Variants in PCDHGA10 observed in about 807,000 individuals in gnomAD.
PCDHGA10 encodes protocadherin gamma subfamily A, 10.
In PCDHGA10, 42 loss-of-function variants were observed where a neutral mutation model predicts 59.5. The observed-to-expected ratio is 0.71, with a 90% CI of 0.55 to 0.91. The LOEUF (loss-of-function observed/expected upper bound fraction) is 0.91, where lower values mean the gene tolerates loss of function less well. PCDHGA10 is among the 40% of genes least tolerant of loss of function. The pLI, the probability that PCDHGA10 is intolerant of heterozygous loss-of-function variation, is 0.00. For missense variants in PCDHGA10, 1,111 were observed against 1,198.2 expected (o/e 0.93, Z 1.07); for synonymous variants, 511 against 517.2 (o/e 0.99, Z 0.16).
At position 141,450,051 on chromosome 5, in the gene PCDHGA10, G is replaced by C. The variant is rs576363410; in HGVS notation, c.2436+34440G>C. ...AGACAGGGTCTCACTCTTTCGCCCA[G>C]GCTGGAATGCAGTGGTATGATCTTG... On this transcript the variant is annotated intron_variant, in intron 1 of 3. Coordinates refer to ENST00000398610, the MANE Select transcript of PCDHGA10 (RefSeq NM_018913.3). Among the ~76,000 whole-genome samples, 362 of 139,654 alleles carry C rather than the reference G, an allele frequency of 2.6e-3. 1 individual carries two copies. Among genetic ancestry groups the C allele is most frequent in the South Asian group, 5.5e-3 (25 of 4,506 alleles). 91.6% of individuals were successfully genotyped at this position (139,654 alleles called of 152,430 possible). A position where few individuals can be genotyped will look rare whatever the true frequency, so the allele number is the denominator to read the frequency against.
chr5:141,454,503 T>A (rs988138847), intron 1 of PCDHGA10, among the ~76,000 whole-genome samples: 1 of 152,308 alleles, frequency 6.6e-6, no homozygotes, highest in Non-Finnish European at 1.5e-5. Flanking sequence ...ACCTCCTGGA[T>A]TCAGGCAGTT....
chr5:141,430,577 C>A, intron 1 of PCDHGA10: 1 of 464,652 alleles, frequency 2.2e-6, no homozygotes. Context: ...AAGCGGAGAT[C>A]CTGCTCGCCT....
In PCDHGA10 at chr5:141,491,696, G is replaced by A; in HGVS notation, c.2437-3111G>A. The A allele has an allele frequency of 6.2e-7, 1 of 1,612,390 alleles. No individual in the cohort carries two copies. The highest frequency in any genetic ancestry group is 8.5e-7 in the Non-Finnish European group (1 of 1,179,286). ...CGCTCTAATACGCTGCGGGAGCGGA[G>A]CCAGGTGAGGGGCTCGGCGCCGCCC... On this transcript the variant is annotated intron_variant, in intron 1 of 3. Coordinates refer to ENST00000398610, the MANE Select transcript of PCDHGA10 (RefSeq NM_018913.3). This position sits in a 1 kb window ranked among gnomAD's most constrained non-coding sequence, Gnocchi z 6.9.
chr5:141,421,357 T>A lies in PCDHGA10; in HGVS notation c.2436+5746T>A, dbSNP rs761522510. ...GGTGCCAGAAGAGACCGAAAAGGGC[T>A]CCTTCGTGGGCAATATCTCCAAGGA... On this transcript the variant is annotated intron_variant, in intron 1 of 3. Coordinates refer to ENST00000398610, the MANE Select transcript of PCDHGA10 (RefSeq NM_018913.3). 4.3e-6 allele frequency: 7 copies of A among 1,613,976 alleles called. 1 individual carries two copies. The South Asian group carries it at 7.7e-5, about 18-fold the overall frequency.
chr5:141,464,517 G>A lies in PCDHGA10; in HGVS notation c.2437-30290G>A, dbSNP rs1487703873. 2.0e-5 allele frequency among the ~76,000 whole-genome samples: 3 copies of A among 151,862 alleles called. No individual in the cohort carries two copies. In the South Asian group the frequency reaches 6.2e-4, roughly 32 times the overall value. On this transcript the variant is annotated intron_variant, in intron 1 of 3. Transcript: ENST00000398610. ...GTGATTGCTGCATCATAAGGTAAAG[G>A]CATATGTAGTTTTGTTAAATATAGC...
At chr5:141,447,937 T>A (rs1036604034) in intron 1 of PCDHGA10, among the ~76,000 whole-genome samples, 1 of 151,852 alleles carries the variant, frequency 6.6e-6, no homozygotes, top group Non-Finnish European at 1.5e-5. Context: ...AATACAAAAA[T>A]TAGCTGGGCA....
rs1235728365 is a variant in PCDHGA10 at position 141,485,502 on chromosome 5, C to T, written c.2437-9305C>T. ...TGCATCGTGCCCCTGGAGTTTGTCACCGAAGGTCCTTTGGAAATGTACCGA... is the reference window on the plus strand; with the variant it reads ...TGCATCGTGCCCCTGGAGTTTGTCATCGAAGGTCCTTTGGAAATGTACCGA... On this transcript the variant is annotated intron_variant, in intron 1 of 3. Transcript: ENST00000398610. This position sits in a 1 kb window ranked among gnomAD's most constrained non-coding sequence, Gnocchi z 5.7. 2 of 1,614,114 alleles carry T rather than the reference C, an allele frequency of 1.2e-6. No homozygotes were observed. Among genetic ancestry groups the T allele is most frequent in the Non-Finnish European group, 8.5e-7 (1 of 1,180,044 alleles).
At chr5:141,427,557 A>G (rs1437024906) in intron 1 of PCDHGA10, 1 of 650,060 alleles carries the variant, frequency 1.5e-6, no homozygotes, top group Non-Finnish European at 2.8e-6. Flanking sequence ...TGCCACTGAC[A>G]AGGGCAAGCC....
At chr5:141,483,967 G>C (rs2099589454) in intron 1 of PCDHGA10, among the ~76,000 whole-genome samples, 1 of 149,276 alleles carries the variant, frequency 6.7e-6, no homozygotes, top group African/African-American at 2.5e-5. Flanking sequence ...TTCTGTGCTT[G>C]TGCAAGGGAG....
chr5:141,455,448 C>T (rs1403500578), intron 1 of PCDHGA10, among the ~76,000 whole-genome samples: 1 of 152,112 alleles, frequency 6.6e-6, no homozygotes, highest in African/African-American at 2.4e-5. Context: ...CCATCTACCG[C>T]GGATACCAGC....
rs779390477 is a variant in PCDHGA10 at position 141,419,000 on chromosome 5, G to A, written c.2436+3389G>A. ...GGACCAAGACTCAGGGGAAAATGGG[G>A]AAGTCAGGTGTAGCTTAAGTAGAGG... On this transcript the variant is annotated intron_variant, in intron 1 of 3. Transcript: ENST00000398610. 3.1e-6 allele frequency: 5 copies of A among 1,613,962 alleles called. 1 individual carries two copies. In the South Asian group the frequency reaches 4.4e-5, roughly 14 times the overall value.
chr5:141,431,537 C>A lies in PCDHGA10; in HGVS notation c.2436+15926C>A, dbSNP rs2097391571. On this transcript the variant is annotated intron_variant, in intron 1 of 3. Transcript: ENST00000398610. This position sits in a 1 kb window ranked among gnomAD's most constrained non-coding sequence, Gnocchi z 4.8. ...TCCGGAGAATCTGGCCTTGGGCACG[C>A]AGCTGCTTGTAGTCAACGCTACCGA... 6.2e-7 allele frequency: 1 copy of A among 1,614,102 alleles called. No individual in the cohort carries two copies. The highest frequency in any genetic ancestry group is 1.3e-5 in the African/African-American group (1 of 75,072).
rs2099746867 is a variant in PCDHGA10, at chr5:141,493,199, C to T, written c.2437-1608C>T. Among the ~76,000 whole-genome samples the T allele has an allele frequency of 6.6e-6, 1 of 152,168 alleles. No individual in the cohort carries two copies. Among genetic ancestry groups the T allele is most frequent in the Non-Finnish European group, 1.5e-5 (1 of 68,020 alleles). ...CTTACTATATAACTCCTTTGAGAAC[C>T]TCATCTCATTTGCTCTTCCCACCAT... On this transcript the variant is annotated intron_variant, in intron 1 of 3. Coordinates refer to ENST00000398610, the MANE Select transcript of PCDHGA10 (RefSeq NM_018913.3). This position sits in a 1 kb window ranked among gnomAD's most constrained non-coding sequence, Gnocchi z 4.3.
chr5:141,439,226 G>A (rs1337835258), intron 1 of PCDHGA10, among the ~76,000 whole-genome samples: 1 of 151,442 alleles, frequency 6.6e-6, no homozygotes, highest in African/African-American at 2.4e-5. Flanking sequence ...AAAATTCTTA[G>A]AAGCTTCCTA....
intron 2 of PCDHGA10, among the ~76,000 whole-genome samples, chr5:141,496,991 G>T (rs1164558685): frequency 6.6e-6 from 1 of 151,902 alleles, no homozygotes; most frequent in African/African-American, 2.4e-5. Context: ...TTTGAGACCA[G>T]CCTGGCAGCC....
intron 1 of PCDHGA10, chr5:141,415,846 G>A: frequency 3.2e-6 from 4 of 1,240,536 alleles, no homozygotes; most frequent in Non-Finnish European, 4.2e-6. Flanking sequence ...TAGCTTTGCA[G>A]AACCTTGTAG....
chr5:141,500,521 A>T lies in PCDHGA10; in HGVS notation c.2496-4872A>T, dbSNP rs185546944. 3.7e-3 allele frequency among the ~76,000 whole-genome samples: 560 copies of T among 152,176 alleles called. 5 individuals are homozygous for T. Among genetic ancestry groups the T allele is most frequent in the Admixed American group, 0.011 (162 of 15,280 alleles). On this transcript the variant is annotated intron_variant, in intron 2 of 3. Coordinates refer to ENST00000398610, the MANE Select transcript of PCDHGA10 (RefSeq NM_018913.3). Reference sequence around the variant, plus strand: ...ACCGCGCCTGGCCGAGCTTCATTTTAAAAAAATCTCATTCACCTAAATAAG... The same window carrying T: ...ACCGCGCCTGGCCGAGCTTCATTTTTAAAAAATCTCATTCACCTAAATAAG...
Position 141,415,259 on chromosome 5 carries a change from T to C in PCDHGA10, c.2084T>C (p.Leu695Pro), listed in dbSNP as rs778452630. The C allele has an allele frequency of 6.2e-7, 1 of 1,614,108 alleles. No individual in the cohort carries two copies. Among genetic ancestry groups the C allele is most frequent in the Non-Finnish European group, 8.5e-7 (1 of 1,180,038 alleles). ...PANSETSDLT[L>P]YLVVAVAAVS... ...AACTCTGAAACCTCAGACCTCACTCTGTACCTGGTGGTAGCGGTGGCCGCG... is the reference window on the plus strand; with the variant it reads ...AACTCTGAAACCTCAGACCTCACTCCGTACCTGGTGGTAGCGGTGGCCGCG... Residue 695 changes from leucine (L) to proline (P), a missense_variant, in exon 1 of 4, where the codon CTG (leucine) becomes CCG (proline). Leu to Pro is a moderately conservative substitution (Grantham distance 98). Transcript: ENST00000398610.
Position 141,485,468 on chromosome 5 carries a change from A to G in PCDHGA10, c.2437-9339A>G. On this transcript the variant is annotated intron_variant, in intron 1 of 3. Coordinates refer to ENST00000398610, the MANE Select transcript of PCDHGA10 (RefSeq NM_018913.3). This position sits in a 1 kb window ranked among gnomAD's most constrained non-coding sequence, Gnocchi z 5.7. The stretch of plus-strand genomic sequence containing the variant: ...CGACCGAGAGGCACTGTGTGGGCTC[A>G]GTGCCAGCTGCATCGTGCCCCTGGA... 1 of 1,614,166 alleles carries G rather than the reference A, an allele frequency of 6.2e-7. No homozygotes were observed. Among genetic ancestry groups the G allele is most frequent in the Non-Finnish European group, 8.5e-7 (1 of 1,180,020 alleles).
Sources: gnomAD v4.1 joint callset for allele counts (sites outside exome capture counted in the v4.1 genomes callset) on GRCh38, gnomAD v4.1.1 for gene constraint, Gnocchi (gnomAD v3.1) non-coding constraint, MANE v1.5 for transcripts, NCBI Gene and HGNC (gene_info 2026-07-23, HGNC 2026-07-21) for gene names.